Variants in ARHGEF28 observed in about 807,000 individuals in gnomAD.
ARHGEF28 encodes 190 kDa guanine nucleotide exchange factor.
A neutral mutation model predicts 206.6 loss-of-function variants in ARHGEF28; 152 were observed. The observed-to-expected ratio is 0.74, with a 90% CI of 0.64 to 0.84. ARHGEF28 has a LOEUF of 0.84. Among genes scored for constraint, ARHGEF28 ranks in the 40% least tolerant of loss-of-function variants. ARHGEF28 has a pLI of 0.00. For synonymous variants in ARHGEF28, 763 were observed against 776.4 expected, an observed-to-expected ratio of 0.98 and a Z score of 0.29; for missense variants, 2,028 against 2,073.2, an observed-to-expected ratio of 0.98 and a Z score of 0.42.
At chr5:73,875,588 A>AT (rs1760417095) in intron 22 of ARHGEF28, among the ~76,000 whole-genome samples, 1 of 151,966 alleles carries the variant, frequency 6.6e-6, no homozygotes, top group South Asian at 2.1e-4. Context: ...TCTTGAATTA[A>AT]TTTTTGTATA....
chr5:73,794,478 T>G, intron 8 of ARHGEF28, 24 bp downstream of exon 8: 1 of 1,552,290 alleles, frequency 6.4e-7, no homozygotes, highest in Non-Finnish European at 8.8e-7. Context: ...CCCTGCTTCT[T>G]TCTTTGCACG....
intron 1 of ARHGEF28, among the ~76,000 whole-genome samples, chr5:73,668,979 T>TC (rs1481953628): frequency 6.6e-6 from 1 of 152,182 alleles, no homozygotes; most frequent in Admixed American, 6.6e-5. Context: ...TGTTTTTTTT[T>TC]CTCTCGATTC....
At chr5:73,725,142 A>AT (rs1561359263) in intron 2 of ARHGEF28, among the ~76,000 whole-genome samples, 1 of 152,172 alleles carries the variant, frequency 6.6e-6, no homozygotes, top group Non-Finnish European at 1.5e-5. Flanking sequence ...TTGGTGTCCT[A>AT]TTTTTTGTTT....
intron 4 of ARHGEF28, among the ~76,000 whole-genome samples, chr5:73,768,211 C>T (rs951559593): frequency 7.4e-6 from 1 of 135,294 alleles, no homozygotes; most frequent in African/African-American, 3.1e-5. Context: ...TGAGGTGGGA[C>T]CCCCCACACA....
intron 35 of ARHGEF28, among the ~76,000 whole-genome samples, chr5:73,928,059 G>A (rs1425702263): frequency 6.6e-6 from 1 of 152,152 alleles, no homozygotes; most frequent in Non-Finnish European, 1.5e-5. Flanking sequence ...TGAATACTGT[G>A]AATATCAATT....
chr5:73,858,467 A>C (rs1490981413), intron 16 of ARHGEF28, among the ~76,000 whole-genome samples: 1 of 152,012 alleles, frequency 6.6e-6, no homozygotes, highest in African/African-American at 2.4e-5. Flanking sequence ...CAGATGTTAC[A>C]TCTCCCCATT....
At chr5:73,774,152 G>C (rs190320769) in intron 5 of ARHGEF28, 114 bp downstream of exon 5, 2 of 923,050 alleles carry the variant, frequency 2.2e-6, no homozygotes, top group Non-Finnish European at 3.2e-6. Context: ...TTTACTGTTA[G>C]CTCTCATGCA....
At chr5:73,746,749 A>G (rs183170097) in intron 2 of ARHGEF28, among the ~76,000 whole-genome samples, 4 of 152,170 alleles carry the variant, frequency 2.6e-5, no homozygotes, top group Admixed American at 2.6e-4. Flanking sequence ...TTGAAATGCC[A>G]CCTATTATAA....
In ARHGEF28 at chr5:73,794,462, A is replaced by G. The variant is rs767336617; in HGVS notation, c.963+8A>G. The G allele has an allele frequency of 6.3e-6, 10 of 1,588,428 alleles. No homozygotes were observed. The highest frequency in any genetic ancestry group is 1.3e-5 in the African/African-American group (1 of 74,176). On this transcript the variant is annotated splice_region_variant and intron_variant, in intron 8 of 35. Transcript: ENST00000513042. ...GAAAAGGAAGATATAAAGGTAATGAATGACTCCCTGCTTCTTTCTTTGCAC... is the reference window on the plus strand; with the variant it reads ...GAAAAGGAAGATATAAAGGTAATGAGTGACTCCCTGCTTCTTTCTTTGCAC...
At chr5:73,748,078 AAC>A (rs1751828641) in intron 2 of ARHGEF28, among the ~76,000 whole-genome samples, 1 of 152,232 alleles carries the variant, frequency 6.6e-6, no homozygotes, top group South Asian at 2.1e-4. Flanking sequence ...GTGGATAGTT[AAC>A]AGTCTCTTTA....
chr5:73,633,487 T>G (rs564189347), intron 1 of ARHGEF28, among the ~76,000 whole-genome samples: 2 of 151,748 alleles, frequency 1.3e-5, no homozygotes, highest in South Asian at 2.1e-4. Flanking sequence ...CATAAGATTG[T>G]AAAAAGGACT....
chr5:73,773,789 A>G (rs978381040), intron 4 of ARHGEF28, 66 bp from the exon 5 acceptor site: 2 of 1,407,210 alleles, frequency 1.4e-6, no homozygotes, highest in Non-Finnish European at 1.9e-6. Context: ...TGTCCCTTTG[A>G]TAAAATGTGT....
At chr5:73,927,212 A>G (rs1763866563) in intron 35 of ARHGEF28, among the ~76,000 whole-genome samples, 1 of 151,608 alleles carries the variant, frequency 6.6e-6, no homozygotes, top group African/African-American at 2.4e-5. Context: ...AAAAATAAAA[A>G]TAAAAAATAA....
In ARHGEF28 at chr5:73,897,787, C is replaced by T. The variant is rs35620704; in HGVS notation, c.3842-175C>T. ...GGGGTGTGTGTGTGTGGTGTGCGCG[C>T]GTGCGTAGGCACATGCCCATGTTTT... On this transcript the variant is annotated intron_variant, in intron 29 of 35. Transcript: ENST00000513042. Among the ~76,000 whole-genome samples, 17,313 of 152,134 alleles carry T rather than the reference C, an allele frequency of 0.11. 1,165 individuals carry two copies. Among genetic ancestry groups the T allele is most frequent in the East Asian group, 0.31 (1,592 of 5,172 alleles).
At chr5:73,916,154 A>G (rs541422883) in intron 35 of ARHGEF28, among the ~76,000 whole-genome samples, 2 of 152,268 alleles carry the variant, frequency 1.3e-5, no homozygotes, top group East Asian at 3.9e-4. Flanking sequence ...AACCTATGCC[A>G]TACTTAGTAT....
chr5:73,816,055 G>C (rs1272948901), intron 9 of ARHGEF28, among the ~76,000 whole-genome samples: 1 of 152,092 alleles, frequency 6.6e-6, no homozygotes, highest in African/African-American at 2.4e-5. Flanking sequence ...AGATGATCTG[G>C]TCCAATTCCC....
chr5:73,636,090 G>T (rs188807998), intron 1 of ARHGEF28, among the ~76,000 whole-genome samples: 16 of 152,256 alleles, frequency 1.1e-4, no homozygotes, highest in Non-Finnish European at 1.5e-4. Flanking sequence ...TTCCAACTTG[G>T]ACAGAAATTT....
intron 2 of ARHGEF28, among the ~76,000 whole-genome samples, chr5:73,727,451 C>G (rs897030096): frequency 6.6e-6 from 1 of 152,154 alleles, no homozygotes; most frequent in Non-Finnish European, 1.5e-5. Context: ...CCTCTAATGA[C>G]AGGAATAGAT....
chr5:73,691,077 G>A (rs759620362), intron 2 of ARHGEF28, among the ~76,000 whole-genome samples: 5 of 151,932 alleles, frequency 3.3e-5, no homozygotes, highest in Non-Finnish European at 1.5e-5. Flanking sequence ...CTAGAGGCAT[G>A]AGCCACCACA....
Sources: allele counts gnomAD v4.1 joint callset (sites outside exome capture counted in the v4.1 genomes callset), GRCh38; gene constraint gnomAD v4.1.1; transcripts MANE v1.5; gene names NCBI Gene and HGNC (gene_info 2026-07-23, HGNC 2026-07-21).